The following EYS variants were observed in gnomAD, a reference collection of about 807,000 sequenced individuals.
EYS encodes EGF-like photoreceptor maintenance factor.
In EYS, 250 loss-of-function variants were observed where a neutral mutation model predicts 282.1. The observed-to-expected ratio is 0.89, with a 90% CI of 0.80 to 0.98. The LOEUF is 0.98. EYS is among the 50% of genes least tolerant of loss of function. EYS has a pLI of 0.00. For missense variants in EYS, 4,016 were observed against 3,709.0 expected (o/e 1.08, Z -2.15); for synonymous variants, 1,355 against 1,282.9 (o/e 1.06, Z -1.20).
At chr6:65,203,388 G>GACCACATACACAGCATATTGCT (rs1765950946) in intron 12 of EYS, among the ~76,000 whole-genome samples, 1 of 152,016 alleles carries the variant, frequency 6.6e-6, no homozygotes, top group Non-Finnish European at 1.5e-5. Flanking sequence ...CAGTGAGCCT[G>GACCACATACACAGCATATTGCT]ACCACATACA....
chr6:64,312,709 G>A (rs1167118766), intron 29 of EYS, among the ~76,000 whole-genome samples: 1 of 152,220 alleles, frequency 6.6e-6, no homozygotes, highest in Non-Finnish European at 1.5e-5. Context: ...TTGCTGTTCT[G>A]CAGCCTCTGC....
intron 41 of EYS, among the ~76,000 whole-genome samples, chr6:63,757,585 T>G (rs1380733857): frequency 6.6e-6 from 1 of 152,146 alleles, no homozygotes; most frequent in African/African-American, 2.4e-5. Context: ...AAATCCTTAA[T>G]AAAAACTTGC....
intron 1 of EYS, among the ~76,000 whole-genome samples, chr6:65,697,864 C>T (rs1016408856): frequency 6.6e-6 from 1 of 152,066 alleles, no homozygotes; most frequent in Non-Finnish European, 1.5e-5. Flanking sequence ...TTATAAGACA[C>T]AAGAAGACAT....
At chr6:65,201,949 C>T (rs181446426) in intron 12 of EYS, among the ~76,000 whole-genome samples, 61 of 152,048 alleles carry the variant, frequency 4.0e-4, no homozygotes, top group African/African-American at 9.2e-4. Context: ...CCCATTTCTA[C>T]ATAAATACAA....
At chr6:64,257,857 C>T (rs1562275457) in intron 30 of EYS, among the ~76,000 whole-genome samples, 1 of 151,898 alleles carries the variant, frequency 6.6e-6, no homozygotes, top group Non-Finnish European at 1.5e-5. Context: ...ACTGTGACAA[C>T]AGAAAACACT....
intron 36 of EYS, among the ~76,000 whole-genome samples, chr6:63,855,301 C>A (rs1772363008): frequency 6.6e-6 from 1 of 152,148 alleles, no homozygotes; most frequent in African/African-American, 2.4e-5. Flanking sequence ...GATGTATCTC[C>A]TTGGGTTATT....
intron 12 of EYS, among the ~76,000 whole-genome samples, chr6:65,135,681 A>C (rs995079163): frequency 6.6e-6 from 1 of 152,038 alleles, no homozygotes; most frequent in Non-Finnish European, 1.5e-5. Context: ...TAAATCTAAA[A>C]TCAGATTCCA....
chr6:65,525,241 C>G (rs1385983311), intron 2 of EYS, among the ~76,000 whole-genome samples: 3 of 152,120 alleles, frequency 2.0e-5, no homozygotes, highest in African/African-American at 7.2e-5. Flanking sequence ...GGAATCATGA[C>G]TGGTATCCAT....
At chr6:64,883,066 A>G (rs1485861583) in intron 19 of EYS, among the ~76,000 whole-genome samples, 1 of 151,454 alleles carries the variant, frequency 6.6e-6, no homozygotes, top group Non-Finnish European at 1.5e-5. Flanking sequence ...ACAATATAAT[A>G]ATAATATCTT....
intron 1 of EYS, among the ~76,000 whole-genome samples, chr6:65,687,470 C>T (rs1769065322): frequency 6.6e-6 from 1 of 151,988 alleles, no homozygotes; most frequent in Non-Finnish European, 1.5e-5. Context: ...CTCACTTTTC[C>T]AGCAGTAAAC....
Position 65,170,979 on chromosome 6 carries a change from C to G in EYS, c.2024-113252G>C, listed in dbSNP as rs143325842. Among the ~76,000 whole-genome samples the G allele has an allele frequency of 3.2e-4, 49 of 151,602 alleles. 1 individual carries two copies. The highest frequency in any genetic ancestry group is 1.1e-3 in the Admixed American group (16 of 15,146). Reference sequence around the variant, plus strand: ...TTTAAGTGGCAACTCTCTCCCTTGACTTATGAAACCGTCAACTACTTTCTC... The same window carrying G: ...TTTAAGTGGCAACTCTCTCCCTTGAGTTATGAAACCGTCAACTACTTTCTC... On this transcript the variant is annotated intron_variant, in intron 12 of 42. Coordinates refer to ENST00000503581, the MANE Select transcript of EYS (RefSeq NM_001142800.2).
intron 2 of EYS, among the ~76,000 whole-genome samples, chr6:65,635,680 T>C (rs1273190204): frequency 6.6e-6 from 1 of 152,200 alleles, no homozygotes; most frequent in Non-Finnish European, 1.5e-5. Context: ...GTAAATCTAA[T>C]GAAACATTAT....
chr6:64,766,649 AATATATAT>A (rs70999172), intron 22 of EYS, among the ~76,000 whole-genome samples: 22 of 19,054 alleles, frequency 1.2e-3, no homozygotes, highest in East Asian at 8.5e-3. Flanking sequence ...AAAAAAAAAA[AATATATAT>A]ATATATATAT....
chr6:65,270,342 G>T (rs1767864750), intron 12 of EYS, among the ~76,000 whole-genome samples: 1 of 152,114 alleles, frequency 6.6e-6, no homozygotes, highest in South Asian at 2.1e-4. Flanking sequence ...TAGGTGTCCT[G>T]CCTTCCAGAA....
At chr6:63,743,163 T>C (rs1022451840) in intron 41 of EYS, among the ~76,000 whole-genome samples, 3 of 152,226 alleles carry the variant, frequency 2.0e-5, no homozygotes, top group Non-Finnish European at 4.4e-5. Context: ...TAATTTTAGG[T>C]GTTCCAGTAG....
At chr6:63,857,595 A>G in intron 36 of EYS, 1 of 364,258 alleles carries the variant, frequency 2.7e-6, no homozygotes, top group Non-Finnish European at 5.6e-6. Context: ...CTCCATGACC[A>G]CCGTGTGATG....
chr6:64,438,964 T>A (rs1005032794), intron 27 of EYS, among the ~76,000 whole-genome samples, 198 bp downstream of exon 27: 8 of 151,718 alleles, frequency 5.3e-5, no homozygotes, highest in African/African-American at 1.9e-4. Flanking sequence ...TTAAATCAGT[T>A]TTTTTGCTTA....
chr6:64,633,626 CAAAAA>C (rs58815312), intron 22 of EYS, among the ~76,000 whole-genome samples: 2 of 140,606 alleles, frequency 1.4e-5, no homozygotes, highest in Non-Finnish European at 1.5e-5. Context: ...CTTTTCTCAG[CAAAAA>C]AAAAAAAAAA....
chr6:65,426,814 T>A (rs529349360), intron 5 of EYS, among the ~76,000 whole-genome samples: 23 of 151,988 alleles, frequency 1.5e-4, no homozygotes, highest in Admixed American at 4.6e-4. Flanking sequence ...TGTTAATAAG[T>A]TATAAACCTT....
Sources: gnomAD v4.1 joint callset for allele counts (sites outside exome capture counted in the v4.1 genomes callset) on GRCh38, gnomAD v4.1.1 for gene constraint, MANE v1.5 for transcripts, NCBI Gene and HGNC (gene_info 2026-07-23, HGNC 2026-07-21) for gene names.